The following RUNX1 variants were observed in gnomAD, a reference collection of about 807,000 sequenced individuals.
RUNX1 encodes runt-related transcription factor 1.
RUNX1 carries 19 observed loss-of-function variants against 42.8 expected under a neutral mutation model. That is an observed-to-expected ratio of 0.44 (90% CI 0.31 to 0.65). The LOEUF is 0.65. RUNX1 is among the 30% of genes least tolerant of loss of function. The pLI is 0.07. For synonymous variants in RUNX1, 271 were observed against 289.4 expected (o/e 0.94, Z 0.64); for missense variants, 528 against 672.0 (o/e 0.79, Z 2.37).
intron 2 of RUNX1, among the ~76,000 whole-genome samples, chr21:34,988,196 G>A (rs1288864530): frequency 6.6e-6 from 1 of 152,176 alleles, no homozygotes; most frequent in African/African-American, 2.4e-5. Context: ...GGGTGCCAAG[G>A]AAGATCAGAG....
chr21:34,871,254 C>T lies in RUNX1; in HGVS notation c.508+9303G>A, dbSNP rs570084083. The stretch of plus-strand genomic sequence containing the variant: ...GCACACCTACAGCAACTCGTGAGCT[C>T]TGTGCAGTCCCTGGCTCAGACACCG... On this transcript the variant is annotated intron_variant, in intron 5 of 8. Coordinates refer to ENST00000675419, the MANE Select transcript of RUNX1 (RefSeq NM_001754.5). 4.6e-5 allele frequency among the ~76,000 whole-genome samples: 7 copies of T among 152,348 alleles called. No homozygotes were observed. The South Asian group carries it at 1.5e-3, about 32-fold the overall frequency.
rs555306265 is a variant in RUNX1 at position 34,817,780 on chromosome 21, A to G, written c.805+16630T>C. On this transcript the variant is annotated intron_variant, in intron 7 of 8. Transcript: ENST00000675419. ...CACGTCGTGTGGTCCTGCAATAGAAAGTCATTTCAGGGTGGCTTTGACTAA... is the reference window on the plus strand; with the variant it reads ...CACGTCGTGTGGTCCTGCAATAGAAGGTCATTTCAGGGTGGCTTTGACTAA... Among the ~76,000 whole-genome samples, 3 of 152,278 alleles carry G rather than the reference A, an allele frequency of 2.0e-5. No individual in the cohort carries two copies. The South Asian group carries it at 6.2e-4, about 32-fold the overall frequency.
In RUNX1 at chr21:34,939,234, C is replaced by T. The variant is rs1019444433; in HGVS notation, c.59-46271G>A. Reference sequence around the variant, plus strand: ...ACAGTTCAAGAAATAGAATGTGATACTTTGCTAGGCTCAACAGATACACTT... The same window carrying T: ...ACAGTTCAAGAAATAGAATGTGATATTTTGCTAGGCTCAACAGATACACTT... On this transcript the variant is annotated intron_variant, in intron 2 of 8. Transcript: ENST00000675419. Among the ~76,000 whole-genome samples, 5 of 152,212 alleles carry T rather than the reference C, an allele frequency of 3.3e-5. No homozygotes were observed. The East Asian group carries it at 5.8e-4, about 18-fold the overall frequency.
At position 34,851,307 on chromosome 21, in the gene RUNX1, C is replaced by T. The variant is rs147913440; in HGVS notation, c.613+8167G>A. Among the ~76,000 whole-genome samples the T allele has an allele frequency of 4.2e-3, 636 of 152,350 alleles. 2 individuals carry two copies. The highest frequency in any genetic ancestry group is 5.5e-3 in the Non-Finnish European group (372 of 68,030). Reference sequence around the variant, plus strand: ...CTGCCCAGGGAAGGCCTGGAGGCCTCGGCCTCTAAGGGGCCAGTTTACGGG... The same window carrying T: ...CTGCCCAGGGAAGGCCTGGAGGCCTTGGCCTCTAAGGGGCCAGTTTACGGG... On this transcript the variant is annotated intron_variant, in intron 6 of 8. Coordinates refer to ENST00000675419, the MANE Select transcript of RUNX1 (RefSeq NM_001754.5).
intron 5 of RUNX1, among the ~76,000 whole-genome samples, chr21:34,864,203 G>C (rs1249760346): frequency 1.3e-5 from 2 of 152,242 alleles, no homozygotes; most frequent in East Asian, 3.9e-4. Flanking sequence ...ATCTGCAGAA[G>C]TAGGATCTGT....
chr21:34,975,603 T>C (rs1569133513), intron 2 of RUNX1, among the ~76,000 whole-genome samples: 1 of 152,192 alleles, frequency 6.6e-6, no homozygotes, highest in East Asian at 1.9e-4. Context: ...GGGGGGTGAC[T>C]GTACTTAAAA....
intron 2 of RUNX1, among the ~76,000 whole-genome samples, chr21:35,007,426 C>T (rs368547073): frequency 6.6e-6 from 1 of 152,246 alleles, no homozygotes; most frequent in Admixed American, 6.5e-5. Context: ...TGCCCTGGCC[C>T]GGTTGGGTCT....
intron 2 of RUNX1, among the ~76,000 whole-genome samples, chr21:34,895,115 CA>C (rs1465094580): frequency 6.6e-6 from 1 of 152,136 alleles, no homozygotes; most frequent in Non-Finnish European, 1.5e-5. Flanking sequence ...ATGCAAACCT[CA>C]TATCATTAGG....
chr21:34,805,970 A>G (rs1256397745), intron 7 of RUNX1, among the ~76,000 whole-genome samples: 1 of 152,204 alleles, frequency 6.6e-6, no homozygotes, highest in Non-Finnish European at 1.5e-5. Context: ...CAGTAACTAA[A>G]AACATTTTTA....
intron 2 of RUNX1, among the ~76,000 whole-genome samples, chr21:34,973,017 G>A (rs939605876): frequency 5.3e-5 from 8 of 152,130 alleles, no homozygotes; most frequent in Non-Finnish European, 8.8e-5. Context: ...AGCTCTTGTT[G>A]TGTACTTCAT....
chr21:34,878,638 G>A (rs1009724550), intron 5 of RUNX1, among the ~76,000 whole-genome samples: 2 of 151,980 alleles, frequency 1.3e-5, no homozygotes, highest in African/African-American at 2.4e-5. Flanking sequence ...ATACTGGCAC[G>A]AATCCTGCAG....
intron 2 of RUNX1, among the ~76,000 whole-genome samples, chr21:34,999,568 AG>A (rs1393028471): frequency 6.6e-6 from 1 of 152,212 alleles, no homozygotes; most frequent in Non-Finnish European, 1.5e-5. Context: ...AGGAGTTAAA[AG>A]GAACACGTGT....
intron 2 of RUNX1, among the ~76,000 whole-genome samples, chr21:34,974,972 A>G (rs2058790136): frequency 1.3e-5 from 2 of 152,238 alleles, no homozygotes; most frequent in Non-Finnish European, 2.9e-5. Context: ...AGATGTGGAA[A>G]CTAGGCTCAG....
intron 2 of RUNX1, among the ~76,000 whole-genome samples, chr21:34,945,499 C>A (rs1393797925): frequency 6.6e-6 from 1 of 152,170 alleles, no homozygotes; most frequent in East Asian, 1.9e-4. Flanking sequence ...CACTCCTCAG[C>A]CCCAGGAACC....
intron 2 of RUNX1, among the ~76,000 whole-genome samples, chr21:34,982,823 C>A (rs1180372964): frequency 6.6e-6 from 1 of 152,176 alleles, no homozygotes; most frequent in Non-Finnish European, 1.5e-5. Context: ...CTGCCTTGGC[C>A]TCCCAAAGTG....
intron 2 of RUNX1, among the ~76,000 whole-genome samples, chr21:34,976,959 A>C (rs2146771953): frequency 6.6e-6 from 1 of 152,286 alleles, no homozygotes; most frequent in Middle Eastern, 3.4e-3. Context: ...TACTCTTGCT[A>C]TCCAAATTAC....
intron 5 of RUNX1, among the ~76,000 whole-genome samples, chr21:34,877,433 C>G (rs1274124396): frequency 1.3e-5 from 2 of 152,104 alleles, no homozygotes; most frequent in Non-Finnish European, 2.9e-5. Context: ...TCAGCCCGGT[C>G]CCCAGAGCTC....
chr21:35,004,031 T>C (rs1468598501), intron 2 of RUNX1, among the ~76,000 whole-genome samples: 5 of 152,250 alleles, frequency 3.3e-5, no homozygotes, highest in Non-Finnish European at 4.4e-5. Context: ...CCCACCCATA[T>C]AAGATTTCTT....
chr21:34,817,880 G>A (rs761308457), intron 7 of RUNX1, among the ~76,000 whole-genome samples: 9 of 152,214 alleles, frequency 5.9e-5, no homozygotes, highest in African/African-American at 1.7e-4. Context: ...GCCCGGGGCC[G>A]CCTCATGTCA....
Sources: allele counts gnomAD v4.1 joint callset (sites outside exome capture counted in the v4.1 genomes callset), GRCh38; gene constraint gnomAD v4.1.1; transcripts MANE v1.5; gene names NCBI Gene and HGNC (gene_info 2026-07-23, HGNC 2026-07-21).